CDK14: variants seen among roughly 807,000 people sequenced by gnomAD.
The protein encoded by CDK14 is cyclin dependent kinase 14, also known as cyclin-dependent kinase 14.
CDK14 carries 34 observed loss-of-function variants against 60.7 expected under a neutral mutation model. The ratio of observed to expected loss-of-function variants is 0.56; its 90% CI spans 0.43 to 0.75. The LOEUF is 0.75. Ranked by LOEUF, CDK14 falls within the 30% of genes least tolerant of loss-of-function variation. The pLI is 0.00. For synonymous variants in CDK14, 197 were observed against 203.7 expected (o/e 0.97, Z 0.28); for missense variants, 482 against 564.1 (o/e 0.85, Z 1.47).
In CDK14 at chr7:91,067,204, T is replaced by C. The variant is rs752712730; in HGVS notation, c.1106-12228T>C. On this transcript the variant is annotated intron_variant, in intron 11 of 14. Coordinates refer to ENST00000380050, the MANE Select transcript of CDK14 (RefSeq NM_001287135.2). Reference sequence around the variant, plus strand: ...ACCTTTTTGTTTTCAAAACTTAACGTGGCTAATTATGTTTTTTCATCTAAT... The same window carrying C: ...ACCTTTTTGTTTTCAAAACTTAACGCGGCTAATTATGTTTTTTCATCTAAT... Among the ~76,000 whole-genome samples the C allele has an allele frequency of 2.3e-4, 35 of 152,374 alleles. No homozygotes were observed. The Middle Eastern group carries it at 0.014, about 59-fold the overall frequency.
chr7:90,719,343 C>G (rs1225791949), intron 2 of CDK14, among the ~76,000 whole-genome samples: 1 of 152,078 alleles, frequency 6.6e-6, no homozygotes, highest in Non-Finnish European at 1.5e-5. Flanking sequence ...GACTCTGAAC[C>G]CAGTAAAATG....
At chr7:90,649,479 A>G (rs572637346) in intron 2 of CDK14, among the ~76,000 whole-genome samples, 1 of 131,290 alleles carries the variant, frequency 7.6e-6, no homozygotes, top group South Asian at 2.5e-4. Flanking sequence ...CTTTTTTTTT[A>G]ATTAAAGTTC....
intron 11 of CDK14, among the ~76,000 whole-genome samples, chr7:91,066,135 AAATTGT>A (rs1797970545): frequency 6.6e-6 from 1 of 152,284 alleles, no homozygotes; most frequent in East Asian, 1.9e-4. Flanking sequence ...TCCTAAATTG[AAATTGT>A]GAGTAACTGA....
At chr7:91,167,268 A>C (rs1039767539) in intron 14 of CDK14, among the ~76,000 whole-genome samples, 3 of 152,190 alleles carry the variant, frequency 2.0e-5, no homozygotes, top group African/African-American at 7.2e-5. Context: ...TTTCCAACCA[A>C]CGTTGAAAAA....
intron 14 of CDK14, among the ~76,000 whole-genome samples, chr7:91,185,115 G>T (rs1802130246): frequency 6.8e-6 from 1 of 147,560 alleles, no homozygotes; most frequent in Non-Finnish European, 1.5e-5. Flanking sequence ...TATCTCGTAT[G>T]TCCCAGACAT....
intron 11 of CDK14, 41 bp downstream of exon 11, chr7:91,046,001 T>G: frequency 7.8e-7 from 1 of 1,289,984 alleles, no homozygotes; most frequent in Admixed American, 1.7e-5. Flanking sequence ...GCTTCCTATA[T>G]GCAAAAGGTG....
chr7:91,114,008 AT>A (rs913080968), intron 13 of CDK14, among the ~76,000 whole-genome samples: 22 of 151,990 alleles, frequency 1.4e-4, no homozygotes, highest in Non-Finnish European at 1.8e-4. Context: ...GCTATCCTCA[AT>A]TTTTTTTAAA....
intron 14 of CDK14, among the ~76,000 whole-genome samples, chr7:91,155,379 GTT>G (rs1282866568): frequency 6.6e-5 from 10 of 152,134 alleles, no homozygotes; most frequent in African/African-American, 2.4e-4. Flanking sequence ...AGGTAAAAGA[GTT>G]TGCATTTTCT....
At chr7:90,633,167 A>G (rs1800043933) in intron 2 of CDK14, among the ~76,000 whole-genome samples, 1 of 152,164 alleles carries the variant, frequency 6.6e-6, no homozygotes, top group African/African-American at 2.4e-5. Context: ...TATGTCCCAA[A>G]TTAATGAAAA....
chr7:90,836,529 A>G (rs1790105394), intron 5 of CDK14, among the ~76,000 whole-genome samples: 1 of 152,154 alleles, frequency 6.6e-6, no homozygotes, highest in African/African-American at 2.4e-5. Flanking sequence ...CTCCTATTAT[A>G]ACAAGGCCTT....
chr7:90,769,489 T>G (rs1804699624), intron 4 of CDK14, among the ~76,000 whole-genome samples: 1 of 143,362 alleles, frequency 7.0e-6, no homozygotes, highest in Non-Finnish European at 1.5e-5. Context: ...TTTTTTTGAC[T>G]GAGCCCTCAT....
At chr7:91,073,976 A>G (rs1253060736) in intron 11 of CDK14, among the ~76,000 whole-genome samples, 1 of 152,206 alleles carries the variant, frequency 6.6e-6, no homozygotes, top group African/African-American at 2.4e-5. Flanking sequence ...ATATGTACCC[A>G]ATACAGGAGC....
chr7:90,630,440 T>C (rs1394054395), intron 2 of CDK14, among the ~76,000 whole-genome samples: 3 of 152,222 alleles, frequency 2.0e-5, no homozygotes, highest in Non-Finnish European at 4.4e-5. Context: ...AATATAATCT[T>C]ATGGGACCAG....
chr7:91,136,226 A>T (rs1800275132), intron 14 of CDK14, among the ~76,000 whole-genome samples: 1 of 152,168 alleles, frequency 6.6e-6, no homozygotes, highest in African/African-American at 2.4e-5. Context: ...TTTCAAAACT[A>T]TGCCTTCTTT....
intron 8 of CDK14, among the ~76,000 whole-genome samples, chr7:90,929,056 C>A (rs1422705064): frequency 1.3e-5 from 2 of 152,228 alleles, no homozygotes; most frequent in Non-Finnish European, 2.9e-5. Context: ...GTGCCGTTTG[C>A]TAATTCCATT....
chr7:90,784,071 G>A (rs12704578), intron 4 of CDK14, among the ~76,000 whole-genome samples: 31,194 of 152,056 alleles, frequency 0.21, 3,347 homozygotes, highest in South Asian at 0.24. Flanking sequence ...GTGATAGATA[G>A]TACACAATAG....
chr7:90,987,103 T>C (rs1368541598), intron 10 of CDK14, among the ~76,000 whole-genome samples: 2 of 151,994 alleles, frequency 1.3e-5, no homozygotes, highest in Admixed American at 6.6e-5. Flanking sequence ...AAAGCTTTCA[T>C]TTGAAATCTT....
intron 6 of CDK14, among the ~76,000 whole-genome samples, chr7:90,874,918 G>A (rs1002175821): frequency 6.6e-6 from 1 of 151,894 alleles, no homozygotes; most frequent in Admixed American, 6.5e-5. Flanking sequence ...ACAATTCAGC[G>A]GTTTTGAGCC....
At chr7:90,672,502 GTTT>G (rs201978996) in intron 2 of CDK14, among the ~76,000 whole-genome samples, 955 of 49,818 alleles carry the variant, frequency 0.019, no homozygotes, top group Non-Finnish European at 0.023. Flanking sequence ...TTCTTCTTCT[GTTT>G]TTTTTTTTTT....
Sources: gnomAD v4.1 joint callset for allele counts (sites outside exome capture counted in the v4.1 genomes callset) on GRCh38, gnomAD v4.1.1 for gene constraint, MANE v1.5 for transcripts, NCBI Gene and HGNC (gene_info 2026-07-23, HGNC 2026-07-21) for gene names.